CDV3: variants seen among roughly 807,000 people sequenced by gnomAD.
CDV3 encodes the protein protein CDV3 homolog.
CDV3 carries 14 observed loss-of-function variants against 24.5 expected under a neutral mutation model. The observed-to-expected ratio is 0.57, with a 90% CI of 0.38 to 0.89. The LOEUF is 0.89. Among genes scored for constraint, CDV3 ranks in the 40% least tolerant of loss-of-function variants. The probability of loss-of-function intolerance (pLI) is 0.00; values close to 1 mark genes in which losing one functional copy is unlikely to be tolerated. For missense variants in CDV3, 304 were observed against 310.2 expected (o/e 0.98, Z 0.15); for synonymous variants, 114 against 114.1 (o/e 1.00, Z 0.00).
intron 2 of CDV3, among the ~76,000 whole-genome samples, chr3:133,581,444 T>C (rs979403580): frequency 6.6e-6 from 1 of 152,124 alleles, no homozygotes; most frequent in Non-Finnish European, 1.5e-5. Flanking sequence ...AATAATATGC[T>C]TGTTTTTAGA....
At chr3:133,580,101 C>T (rs2107712806) in intron 2 of CDV3, among the ~76,000 whole-genome samples, 1 of 152,214 alleles carries the variant, frequency 6.6e-6, no homozygotes, top group South Asian at 2.1e-4. Flanking sequence ...GGTATTTCTC[C>T]TAACGCTATC....
rs36026901 is a variant in CDV3 at position 133,588,797 on chromosome 3, GT to G, written c.*763del. ...GGGAAGGGAGAGAATAATCTTGGGGGTTTTTTTTTTTTGGTAATTTTTTTAT... is the reference window on the plus strand; with the variant it reads ...GGGAAGGGAGAGAATAATCTTGGGGGTTTTTTTTTTTGGTAATTTTTTTAT... On this transcript the variant is annotated 3_prime_UTR_variant, in exon 5 of 5. Transcript: ENST00000264993. 100,427 of 151,276 alleles carry G rather than the reference GT, an allele frequency of 0.66. 34,465 individuals carry two copies. The highest frequency in any genetic ancestry group is 0.89 in the East Asian group (4,765 of 5,328). The allele number at this position is 151,276 out of a possible 1,614,324, so 9.4% of individuals were successfully genotyped here. A position where few individuals can be genotyped will look rare whatever the true frequency, so the allele number is the denominator to read the frequency against.
intron 3 of CDV3, among the ~76,000 whole-genome samples, chr3:133,585,639 C>T (rs1269827809): frequency 5.9e-5 from 9 of 151,868 alleles, no homozygotes; most frequent in African/African-American, 1.5e-4. Flanking sequence ...GGATTACAGG[C>T]GTGCACCACC....
chr3:133,576,907 G>A lies in CDV3; in HGVS notation c.317+1792G>A, dbSNP rs1231456387. ...TTGTTGCCCAGGCTGGAGTGCAGTGGCAAAATCTCGGCTCACTGCAACCTC... is the reference window on the plus strand; with the variant it reads ...TTGTTGCCCAGGCTGGAGTGCAGTGACAAAATCTCGGCTCACTGCAACCTC... On this transcript the variant is annotated intron_variant, in intron 2 of 4. Transcript: ENST00000264993. Among the ~76,000 whole-genome samples the A allele has an allele frequency of 2.2e-5, 3 of 135,922 alleles. No individual in the cohort carries two copies. The East Asian group carries it at 6.3e-4, about 29-fold the overall frequency. 89.2% of individuals were successfully genotyped at this position (135,922 alleles called of 152,430 possible). A position where few individuals can be genotyped will look rare whatever the true frequency, so the allele number is the denominator to read the frequency against.
At chr3:133,576,096 TACTC>T (rs2074795874) in intron 2 of CDV3, among the ~76,000 whole-genome samples, 1 of 152,226 alleles carries the variant, frequency 6.6e-6, no homozygotes, top group African/African-American at 2.4e-5. Context: ...TTAGATAACT[TACTC>T]AAAAAGCAGG....
At chr3:133,579,092 T>A (rs1049653258) in intron 2 of CDV3, among the ~76,000 whole-genome samples, 3 of 152,190 alleles carry the variant, frequency 2.0e-5, no homozygotes, top group Non-Finnish European at 4.4e-5. Flanking sequence ...AAGGTACTTA[T>A]GTTTCCTCAT....
At position 133,587,821 on chromosome 3, in the gene CDV3, T is replaced by A. The variant is rs532826204; in HGVS notation, c.627-75T>A. On this transcript the variant is annotated intron_variant, in intron 4 of 4. Coordinates refer to ENST00000264993, the MANE Select transcript of CDV3 (RefSeq NM_017548.5). ...ATTCTTCTAAGGGGTGGCTTTTTTTTAAATTCAAGGACGAATATTTTCAAA... is the reference window on the plus strand; with the variant it reads ...ATTCTTCTAAGGGGTGGCTTTTTTTAAAATTCAAGGACGAATATTTTCAAA... 5.6e-5 allele frequency: 85 copies of A among 1,515,802 alleles called. 4 individuals are homozygous for A. Among genetic ancestry groups the A allele is most frequent in the African/African-American group, 1.8e-4 (13 of 71,688 alleles). The allele number at this position is 1,515,802 out of a possible 1,614,324, so 93.9% of individuals were successfully genotyped here.
intron 2 of CDV3, among the ~76,000 whole-genome samples, chr3:133,581,541 T>C (rs1430648948): frequency 6.6e-6 from 1 of 152,152 alleles, no homozygotes; most frequent in Non-Finnish European, 1.5e-5. Context: ...CAGTAAATAG[T>C]GCTGATTATT....
At chr3:133,578,735 T>A (rs1399881520) in intron 2 of CDV3, among the ~76,000 whole-genome samples, 1 of 152,196 alleles carries the variant, frequency 6.6e-6, no homozygotes, top group African/African-American at 2.4e-5. Context: ...CTAGGTATAA[T>A]AGGGACAAAC....
intron 2 of CDV3, among the ~76,000 whole-genome samples, chr3:133,580,365 T>C (rs1173815638): frequency 6.6e-6 from 1 of 152,220 alleles, no homozygotes; most frequent in Non-Finnish European, 1.5e-5. Context: ...TTATCCAGTC[T>C]ATTATTAATG....
chr3:133,588,140 C>T lies in CDV3; in HGVS notation c.*94C>T, dbSNP rs1933801435. 1.9e-6 allele frequency: 3 copies of T among 1,565,194 alleles called. No homozygotes were observed. Among genetic ancestry groups the T allele is most frequent in the East Asian group, 4.5e-5 (2 of 44,422 alleles). On this transcript the variant is annotated 3_prime_UTR_variant, in exon 5 of 5. Transcript: ENST00000264993. ...ATCTGATCTCTGCTGGATCTACAGA[C>T]ACCGATGCAGACCACTCGATTTCAT...
intron 2 of CDV3, among the ~76,000 whole-genome samples, chr3:133,580,355 T>G (rs1218132401): frequency 6.6e-6 from 1 of 152,224 alleles, no homozygotes; most frequent in African/African-American, 2.4e-5. Flanking sequence ...AACGTTTTCT[T>G]TATCCAGTCT....
At chr3:133,583,917 A>G in intron 2 of CDV3, 85 bp from the exon 3 acceptor site, 3 of 959,328 alleles carry the variant, frequency 3.1e-6, no homozygotes, top group Non-Finnish European at 3.2e-6. Flanking sequence ...TCAGGGTCGT[A>G]CAGATAATCA....
At position 133,574,604 on chromosome 3, in the gene CDV3, G is replaced by A. The variant is rs80081082; in HGVS notation, c.240+320G>A. 4.4e-4 allele frequency: 442 copies of A among 1,002,792 alleles called. 2 individuals carry two copies. In the African/African-American group the frequency reaches 7.2e-3, roughly 16 times the overall value. The allele number at this position is 1,002,792 out of a possible 1,614,324, so 62.1% of individuals were successfully genotyped here. On this transcript the variant is annotated intron_variant, in intron 1 of 4. Transcript: ENST00000264993. Reference sequence around the variant, plus strand: ...GCAGCGTTTATCGGGTGACGTCTAGGCTGAGTAATTCCGTGTGCTGACCTC... The same window carrying A: ...GCAGCGTTTATCGGGTGACGTCTAGACTGAGTAATTCCGTGTGCTGACCTC...
intron 3 of CDV3, among the ~76,000 whole-genome samples, chr3:133,586,227 C>G (rs1036667959): frequency 1.3e-5 from 2 of 152,188 alleles, no homozygotes; most frequent in Admixed American, 6.5e-5. Context: ...CCCTGAGTAG[C>G]TGGGATTACA....
Position 133,576,841 on chromosome 3 carries a change from C to CT in CDV3, c.317+1749dup, listed in dbSNP as rs370619351. ...TCTGTTCAACCTGAAGGTAGACTAG[C>CT]TTTTTTTTTTTTTTTTTTTTTTTGA... On this transcript the variant is annotated intron_variant, in intron 2 of 4. Coordinates refer to ENST00000264993, the MANE Select transcript of CDV3 (RefSeq NM_017548.5). 6.4e-3 allele frequency among the ~76,000 whole-genome samples: 397 copies of CT among 62,360 alleles called. 54 individuals are homozygous for CT. The highest frequency in any genetic ancestry group is 0.013 in the African/African-American group (189 of 14,718). The allele number at this position is 62,360 out of a possible 152,430, so 40.9% of individuals were successfully genotyped here.
At chr3:133,580,354 T>G (rs1396077822) in intron 2 of CDV3, among the ~76,000 whole-genome samples, 1 of 152,254 alleles carries the variant, frequency 6.6e-6, no homozygotes, top group Middle Eastern at 3.2e-3. Flanking sequence ...CAACGTTTTC[T>G]TTATCCAGTC....
At position 133,573,923 on chromosome 3, in the gene CDV3, G is replaced by A. The variant is rs2074700658; in HGVS notation, c.-122G>A. 2.6e-6 allele frequency: 2 copies of A among 766,974 alleles called. No homozygotes were observed. The highest frequency in any genetic ancestry group is 1.9e-5 in the African/African-American group (1 of 52,544). 47.5% of individuals were successfully genotyped at this position (766,974 alleles called of 1,614,324 possible). ...GCCGCGCACGCCTCGGCGACCCCGC[G>A]GGGCTGAGGCGTCGCCGCGCCCGGC... On this transcript the variant is annotated 5_prime_UTR_variant, in exon 1 of 5. Transcript: ENST00000264993.
intron 2 of CDV3, among the ~76,000 whole-genome samples, chr3:133,575,619 G>A (rs2074776149): frequency 6.6e-6 from 1 of 152,142 alleles, no homozygotes; most frequent in African/African-American, 2.4e-5. Context: ...TACAGAACAA[G>A]GTTCCCCTCC....
Sources: allele counts gnomAD v4.1 joint callset (sites outside exome capture counted in the v4.1 genomes callset), GRCh38; gene constraint gnomAD v4.1.1; transcripts MANE v1.5; gene names NCBI Gene and HGNC (gene_info 2026-07-23, HGNC 2026-07-21).